The following IGF1 variants were observed in gnomAD, a reference collection of about 807,000 sequenced individuals.
IGF1 encodes insulin-like growth factor 1.
Under a neutral mutation model 13.8 loss-of-function variants are expected in IGF1, and 4 were observed. The ratio of observed to expected loss-of-function variants is 0.29; its 90% CI spans 0.14 to 0.66. IGF1 has a LOEUF of 0.66. Ranked by LOEUF, IGF1 falls within the 30% of genes least tolerant of loss-of-function variation. The probability of loss-of-function intolerance (pLI) is 0.78; values close to 1 mark genes in which losing one functional copy is unlikely to be tolerated. For missense variants in IGF1, 124 were observed against 188.5 expected (o/e 0.66, Z 2.00); for synonymous variants, 76 against 72.6 (o/e 1.05, Z -0.23).
chr12:102,428,085 CTG>C, intron 2 of IGF1, among the ~76,000 whole-genome samples: 1 of 151,514 alleles, frequency 6.6e-6, no homozygotes, highest in Non-Finnish European at 1.5e-5. Context: ...CCCAAATCCT[CTG>C]TGTGGATGCA....
chr12:102,449,698 G>A (rs1878745435), intron 2 of IGF1, among the ~76,000 whole-genome samples: 1 of 145,192 alleles, frequency 6.9e-6, no homozygotes, highest in Non-Finnish European at 1.5e-5. Flanking sequence ...CCTGAGAGAG[G>A]CCTGTGCTGA....
chr12:102,460,585 G>A (rs1365125789), intron 2 of IGF1, among the ~76,000 whole-genome samples: 1 of 152,134 alleles, frequency 6.6e-6, no homozygotes, highest in African/African-American at 2.4e-5. Context: ...TTTTACTAAA[G>A]CACCCAGCAA....
intron 2 of IGF1, among the ~76,000 whole-genome samples, chr12:102,452,410 C>A (rs547877795): frequency 3.1e-4 from 47 of 151,886 alleles, no homozygotes; most frequent in Non-Finnish European, 5.7e-4. Context: ...TTCTTTATAG[C>A]AGTGTGAGAA....
Position 102,468,821 on chromosome 12 carries a change from G to A in IGF1, c.220+6822C>T, listed in dbSNP as rs190248402. On this transcript the variant is annotated intron_variant, in intron 2 of 3. Transcript: ENST00000337514. ...TGCACAAAAGAGCAAAGCCCTTGCA[G>A]GCTGTTATCGAGAACAATGAGACAT... is the stretch of plus-strand genomic sequence containing the variant. Among the ~76,000 whole-genome samples the A allele has an allele frequency of 1.0e-3, 155 of 152,358 alleles. 4 individuals carry two copies. The highest frequency in any genetic ancestry group is 7.8e-4 in the Admixed American group (12 of 15,300).
At chr12:102,412,064 G>C (rs1874692449) in intron 3 of IGF1, among the ~76,000 whole-genome samples, 1 of 152,160 alleles carries the variant, frequency 6.6e-6, no homozygotes, top group Non-Finnish European at 1.5e-5. Context: ...TCTATAGACA[G>C]GGACCTAGAG....
chr12:102,428,825 A>G (rs1592765722), intron 2 of IGF1, among the ~76,000 whole-genome samples: 4 of 152,194 alleles, frequency 2.6e-5, no homozygotes, highest in Admixed American at 2.0e-4. Flanking sequence ...TCAATGCTAC[A>G]TGAGTTCTCT....
chr12:102,415,752 T>C (rs937174475), intron 3 of IGF1: 24 of 152,178 alleles, frequency 1.6e-4, no homozygotes, highest in African/African-American at 5.6e-4. Context: ...CTGTGGTCCT[T>C]TGAAGAGCCA....
At chr12:102,413,151 A>G (rs1874788463) in intron 3 of IGF1, among the ~76,000 whole-genome samples, 1 of 152,224 alleles carries the variant, frequency 6.6e-6, no homozygotes, top group African/African-American at 2.4e-5. Context: ...TGGATATTTC[A>G]AAACTCATAA....
chr12:102,450,448 A>G (rs1399418502), intron 2 of IGF1, among the ~76,000 whole-genome samples: 1 of 152,256 alleles, frequency 6.6e-6, no homozygotes, highest in East Asian at 1.9e-4. Flanking sequence ...GGAAACAGCC[A>G]TCGTACACTG....
chr12:102,453,364 G>A (rs896001525), intron 2 of IGF1, among the ~76,000 whole-genome samples: 5 of 152,146 alleles, frequency 3.3e-5, no homozygotes, highest in South Asian at 4.1e-4. Context: ...AAGAGGTATG[G>A]TAGGATTAGG....
intron 2 of IGF1, among the ~76,000 whole-genome samples, chr12:102,426,975 G>A (rs1387531453): frequency 1.3e-5 from 2 of 152,028 alleles, no homozygotes; most frequent in African/African-American, 2.4e-5. Context: ...TGGAGTTTAC[G>A]GTAGGCTAGG....
Position 102,472,012 on chromosome 12 carries a change from G to T in IGF1, c.220+3631C>A, listed in dbSNP as rs200835007. On this transcript the variant is annotated intron_variant, in intron 2 of 3. Transcript: ENST00000337514. The stretch of plus-strand genomic sequence containing the variant: ...TTCATGCAAAATGAGGTTGTAATGA[G>T]CCACCCTTTATAAGGGCTCCATCAA... Among the ~76,000 whole-genome samples, 17 of 152,214 alleles carry T rather than the reference G, an allele frequency of 1.1e-4. No homozygotes were observed. In the East Asian group the frequency reaches 3.1e-3, roughly 28 times the overall value.
intron 2 of IGF1, among the ~76,000 whole-genome samples, chr12:102,447,577 A>G (rs914243165): frequency 6.6e-6 from 1 of 152,096 alleles, no homozygotes; most frequent in African/African-American, 2.4e-5. Context: ...TGCTTGGTAA[A>G]TATTCCTTCA....
intron 3 of IGF1, among the ~76,000 whole-genome samples, chr12:102,412,346 C>T (rs998310984): frequency 1.3e-5 from 2 of 151,902 alleles, no homozygotes; most frequent in African/African-American, 4.8e-5. Flanking sequence ...AAAATAGTTC[C>T]CCCCAGCTCT....
At chr12:102,428,847 A>G (rs1592765766) in intron 2 of IGF1, among the ~76,000 whole-genome samples, 1 of 152,102 alleles carries the variant, frequency 6.6e-6, no homozygotes, top group African/African-American at 2.4e-5. Flanking sequence ...TGTGATATTC[A>G]CTTATTTTCA....
chr12:102,447,150 T>C (rs1878424109), intron 2 of IGF1, among the ~76,000 whole-genome samples: 1 of 152,208 alleles, frequency 6.6e-6, no homozygotes, highest in African/African-American at 2.4e-5. Context: ...TCCAATTATG[T>C]GGTCAATTTT....
At chr12:102,441,920 T>TTCCTCTTCC in intron 2 of IGF1, among the ~76,000 whole-genome samples, 1 of 121,272 alleles carries the variant, frequency 8.2e-6, no homozygotes, top group Admixed American at 9.7e-5. Context: ...CTTCTCCTTC[T>TTCCTCTTCC]TCTTCTTCTT....
rs776234219 is a variant in IGF1 at position 102,419,531 on chromosome 12, G to A, written c.380C>T (p.Thr127Ile). Residue 127 changes from threonine (T) to isoleucine (I), a missense_variant, in exon 3 of 4, where the codon ACC (threonine) becomes ATC (isoleucine). Thr to Ile is a moderately conservative substitution (Grantham distance 89, BLOSUM62 -1). This residue lies in a region of IGF1 where 99 missense variants were observed against 171.4 expected (regional missense o/e 0.58). Coordinates refer to ENST00000337514, the MANE Select transcript of IGF1 (RefSeq NM_000618.5). The part of the protein sequence containing the change: ...SARSVRAQRH[T>I]DMPKTQKEVH... Reference sequence around the variant, plus strand: ...TACCTTCTGGGTCTTGGGCATGTCGGTGTGGCGCTGGGCACGGACAGAGCG... The same window carrying A: ...TACCTTCTGGGTCTTGGGCATGTCGATGTGGCGCTGGGCACGGACAGAGCG... 61 of 1,613,476 alleles carry A rather than the reference G, an allele frequency of 3.8e-5. No homozygotes were observed. The highest frequency in any genetic ancestry group is 5.0e-5 in the Non-Finnish European group (59 of 1,179,974).
At chr12:102,417,749 T>C in intron 3 of IGF1, 4 of 1,600,732 alleles carry the variant, frequency 2.5e-6, no homozygotes, top group Non-Finnish European at 2.6e-6. Flanking sequence ...TTGTATTTTC[T>C]GCTTTTCATT....
Sources: gnomAD v4.1 joint callset for allele counts (sites outside exome capture counted in the v4.1 genomes callset) on GRCh38, gnomAD v4.1.1 for gene constraint, gnomAD v4.1.1 regional missense constraint, MANE v1.5 for transcripts, NCBI Gene and HGNC (gene_info 2026-07-23, HGNC 2026-07-21) for gene names.